Variants in PTPRJ observed in about 807,000 individuals in gnomAD.
PTPRJ encodes receptor-type tyrosine-protein phosphatase eta.
Under a neutral mutation model 141.3 loss-of-function variants are expected in PTPRJ, and 129 were observed. The observed-to-expected ratio is 0.91, with a 90% CI of 0.79 to 1.06. The LOEUF (loss-of-function observed/expected upper bound fraction) is 1.06. Ranked by LOEUF, PTPRJ falls within the 50% of genes least tolerant of loss-of-function variation. The probability of loss-of-function intolerance (pLI) is 0.00; values close to 1 mark genes in which losing one functional copy is unlikely to be tolerated. For synonymous variants in PTPRJ, 610 were observed against 640.5 expected (o/e 0.95, Z 0.72); for missense variants, 1,601 against 1,679.7 (o/e 0.95, Z 0.82).
intron 1 of PTPRJ, among the ~76,000 whole-genome samples, chr11:48,062,811 G>GAGCT (rs1232033829): frequency 2.0e-5 from 3 of 152,216 alleles, no homozygotes; most frequent in Non-Finnish European, 4.4e-5. Flanking sequence ...TACTTAGGTA[G>GAGCT]AGCTATTCTT....
At chr11:48,057,360 A>G (rs889870899) in intron 1 of PTPRJ, among the ~76,000 whole-genome samples, 3 of 152,206 alleles carry the variant, frequency 2.0e-5, no homozygotes, top group African/African-American at 7.2e-5. Context: ...CCTGTTTTTC[A>G]GATTTCGGAA....
chr11:48,062,373 C>T (rs910373097), intron 1 of PTPRJ, among the ~76,000 whole-genome samples: 7 of 151,926 alleles, frequency 4.6e-5, no homozygotes, highest in African/African-American at 7.3e-5. Flanking sequence ...ATTAGCTGGG[C>T]GTAGTGGCGG....
intron 24 of PTPRJ, among the ~76,000 whole-genome samples, chr11:48,165,348 C>T (rs1481701033): frequency 6.6e-6 from 1 of 152,168 alleles, no homozygotes; most frequent in Non-Finnish European, 1.5e-5. Flanking sequence ...GGCTGACCAG[C>T]GGAGAAAAGG....
chr11:48,132,669 G>T, intron 8 of PTPRJ: 2 of 867,566 alleles, frequency 2.3e-6, no homozygotes, highest in Non-Finnish European at 2.8e-6. Context: ...TTGTGCACAT[G>T]TACCCTAGAA....
chr11:47,997,091 A>G (rs1354647310), intron 1 of PTPRJ, among the ~76,000 whole-genome samples: 1 of 152,098 alleles, frequency 6.6e-6, no homozygotes, highest in Admixed American at 6.6e-5. Flanking sequence ...CCCTATTGAC[A>G]TTTTGGGCTG....
rs529886716 is a variant in PTPRJ at position 48,025,198 on chromosome 11, C to G, written c.96+44190C>G. On this transcript the variant is annotated intron_variant, in intron 1 of 24. Coordinates refer to ENST00000418331, the MANE Select transcript of PTPRJ (RefSeq NM_002843.4). ...CAAACTCAGAGGCCTTTCGGGCAGC[C>G]TGGTGAAATGATAAATGGGCAGTTG... Among the ~76,000 whole-genome samples the G allele has an allele frequency of 1.2e-3, 187 of 152,226 alleles. 1 individual carries two copies. Among genetic ancestry groups the G allele is most frequent in the Admixed American group, 4.2e-3 (64 of 15,286 alleles).
In PTPRJ at chr11:48,087,092, C is replaced by G. The variant is rs577949418; in HGVS notation, c.97-22966C>G. 5.3e-5 allele frequency among the ~76,000 whole-genome samples: 8 copies of G among 152,298 alleles called. No homozygotes were observed. The East Asian group carries it at 1.3e-3, about 26-fold the overall frequency. ...TAGTTGACTTGTATAATTCACAGTA[C>G]AGAAGCTTATTCTAAAACTAAAATG... On this transcript the variant is annotated intron_variant, in intron 1 of 24. Transcript: ENST00000418331.
intron 1 of PTPRJ, among the ~76,000 whole-genome samples, chr11:48,090,149 G>GC (rs1364493662): frequency 6.6e-6 from 1 of 152,096 alleles, no homozygotes; most frequent in African/African-American, 2.4e-5. Flanking sequence ...TTCAGTGCTG[G>GC]CCTGGGAGCA....
chr11:48,045,318 T>C (rs936932807), intron 1 of PTPRJ, among the ~76,000 whole-genome samples: 2 of 152,164 alleles, frequency 1.3e-5, no homozygotes, highest in African/African-American at 4.8e-5. Context: ...TCCTCCTTCA[T>C]TGCAGTGCTT....
intron 1 of PTPRJ, among the ~76,000 whole-genome samples, chr11:48,072,509 G>A (rs1470393537): frequency 6.6e-6 from 1 of 152,160 alleles, no homozygotes; most frequent in Non-Finnish European, 1.5e-5. Context: ...CATGGCAGGT[G>A]GCAAGAAGTA....
In PTPRJ at chr11:48,156,062, T is replaced by C; in HGVS notation, c.3381T>C (p.Val1127=). The change falls in exon 21 of 25, where the codon GTT becomes GTC. Residue 1127 remains valine, a synonymous_variant. Coordinates refer to ENST00000418331, the MANE Select transcript of PTPRJ (RefSeq NM_002843.4). ...PNTLKDFWRM[V]WEKNVYAIIM... is the part of the protein sequence containing the mutation. ...CTTTGAAAGATTTTTGGCGTATGGT[T>C]TGGGAGAAAAATGTATATGCCATCA... The C allele has an allele frequency of 1.2e-6, 2 of 1,601,660 alleles. No homozygotes were observed. Among genetic ancestry groups the C allele is most frequent in the Non-Finnish European group, 1.7e-6 (2 of 1,168,634 alleles).
rs1857270184 is a variant in PTPRJ, at chr11:48,142,978, G to T, written c.2503G>T (p.Val835Phe). The T allele has an allele frequency of 6.2e-7, 1 of 1,614,128 alleles. No homozygotes were observed. Among genetic ancestry groups the T allele is most frequent in the Non-Finnish European group, 8.5e-7 (1 of 1,180,010 alleles). ...ATCTGTCAGTCACAATTCAGTAAAG[G>T]TCAAGTTCAGTGGATTTGAAGCCAG... Reference protein sequence around the residue: ...ITSVSHNSVKVKFSGFEASHG... With the variant: ...ITSVSHNSVKFKFSGFEASHG... The change falls in exon 12 of 25, where the codon GTC becomes TTC. Residue 835 changes from valine to phenylalanine, a missense_variant. By Grantham distance (50) the Val-to-Phe change is conservative. Transcript: ENST00000418331.
intron 1 of PTPRJ, among the ~76,000 whole-genome samples, chr11:48,019,821 T>C (rs1202626035): frequency 6.6e-6 from 1 of 152,264 alleles, no homozygotes; most frequent in Non-Finnish European, 1.5e-5. Context: ...GTAGTGGTTC[T>C]GGGTGCAACT....
At chr11:48,140,607 C>T (rs921229769) in intron 11 of PTPRJ, among the ~76,000 whole-genome samples, 1 of 152,190 alleles carries the variant, frequency 6.6e-6, no homozygotes, top group African/African-American at 2.4e-5. Flanking sequence ...CGCCACCTCC[C>T]AGCGGGCACT....
Position 48,133,900 on chromosome 11 carries a change from G to A in PTPRJ, c.1616-2139G>A, listed in dbSNP as rs116446462. Among the ~76,000 whole-genome samples the A allele has an allele frequency of 1.0e-2, 1,517 of 152,288 alleles. 23 individuals are homozygous for A. The highest frequency in any genetic ancestry group is 0.034 in the African/African-American group (1,432 of 41,558). ...CCACTTACATGAGTACCTAGATTAGGCAACTTAATATTCTACAGAAATTAG... is the reference window on the plus strand; with the variant it reads ...CCACTTACATGAGTACCTAGATTAGACAACTTAATATTCTACAGAAATTAG... On this transcript the variant is annotated intron_variant, in intron 8 of 24. Coordinates refer to ENST00000418331, the MANE Select transcript of PTPRJ (RefSeq NM_002843.4).
chr11:48,092,294 C>CAAAA (rs3971621), intron 1 of PTPRJ, among the ~76,000 whole-genome samples: 88 of 46,920 alleles, frequency 1.9e-3, no homozygotes, highest in Middle Eastern at 0.025. Flanking sequence ...GATTTCATCT[C>CAAAA]AAAAAAAAAA....
intron 24 of PTPRJ, among the ~76,000 whole-genome samples, chr11:48,166,673 T>C (rs1264925501): frequency 6.6e-6 from 1 of 152,174 alleles, no homozygotes; most frequent in Non-Finnish European, 1.5e-5. Context: ...TATAATATCA[T>C]GGATATTTTT....
intron 1 of PTPRJ, among the ~76,000 whole-genome samples, chr11:47,997,391 G>A (rs768772730): frequency 1.8e-4 from 28 of 152,226 alleles, no homozygotes; most frequent in Non-Finnish European, 3.8e-4. Flanking sequence ...CTCCCCGTGA[G>A]ACCGTAGGTC....
At chr11:47,998,342 G>A (rs1038321494) in intron 1 of PTPRJ, among the ~76,000 whole-genome samples, 1 of 152,194 alleles carries the variant, frequency 6.6e-6, no homozygotes, top group Non-Finnish European at 1.5e-5. Context: ...ATAAAGAAAA[G>A]ACAAATATTT....
Sources: allele counts gnomAD v4.1 joint callset (sites outside exome capture counted in the v4.1 genomes callset), GRCh38; gene constraint gnomAD v4.1.1; transcripts MANE v1.5; gene names NCBI Gene and HGNC (gene_info 2026-07-23, HGNC 2026-07-21).